EZH2: variants seen among roughly 807,000 people sequenced by gnomAD.
The protein encoded by EZH2 is enhancer of zeste 2 polycomb repressive complex 2 subunit.
In EZH2, 18 loss-of-function variants were observed where a neutral mutation model predicts 98.4. The ratio of observed to expected loss-of-function variants is 0.18; its 90% confidence interval spans 0.13 to 0.27. The LOEUF (loss-of-function observed/expected upper bound fraction) is 0.27. Ranked by LOEUF, EZH2 falls within the 10% of genes least tolerant of loss-of-function variation. The probability of loss-of-function intolerance (pLI) is 1.00; values close to 1 mark genes in which losing one functional copy is unlikely to be tolerated. For missense variants in EZH2, 470 were observed against 935.1 expected, an observed-to-expected ratio of 0.50 and a Z score of 6.49; for synonymous variants, 338 against 312.3, an observed-to-expected ratio of 1.08 and a Z score of -0.87.
intron 1 of EZH2, among the ~76,000 whole-genome samples, chr7:148,869,262 T>C (rs1266169269): frequency 6.6e-6 from 1 of 151,972 alleles, no homozygotes; most frequent in African/African-American, 2.4e-5. Context: ...AAGAAATAGT[T>C]TGACCTGGGT....
intron 1 of EZH2, among the ~76,000 whole-genome samples, chr7:148,851,969 T>C (rs376734949): frequency 2.3e-4 from 35 of 152,242 alleles, no homozygotes; most frequent in African/African-American, 8.0e-4. Context: ...TGTAAATACA[T>C]ATGGTTTTTA....
At chr7:148,808,040 G>A (rs1801976450) in intron 19 of EZH2, among the ~76,000 whole-genome samples, 1 of 152,212 alleles carries the variant, frequency 6.6e-6, no homozygotes, top group African/African-American at 2.4e-5. Context: ...AGGATGCTTA[G>A]GCCTGACGCT....
chr7:148,807,679 A>G lies in EZH2; in HGVS notation c.2223T>C (p.Tyr741=), dbSNP rs748102400. 3.4e-5 allele frequency: 54 copies of G among 1,597,956 alleles called. No homozygotes were observed. Among genetic ancestry groups the G allele is most frequent in the Middle Eastern group, 1.7e-4 (1 of 6,060 alleles). Residue 741 remains tyrosine (Y), a synonymous_variant, in exon 20 of 20, where the codon TAT becomes TAC. Coordinates refer to ENST00000320356, the MANE Select transcript of EZH2 (RefSeq NM_004456.5). ...YRYSQADALK[Y]VGIEREMEIP ...TTTCCATTTCTCTTTCGATGCCGACATACTTCAGGGCATCAGCCTGGCTGT... is the reference window on the plus strand; with the variant it reads ...TTTCCATTTCTCTTTCGATGCCGACGTACTTCAGGGCATCAGCCTGGCTGT...
intron 1 of EZH2, among the ~76,000 whole-genome samples, chr7:148,879,488 C>T (rs1198078400): frequency 2.6e-5 from 4 of 151,736 alleles, no homozygotes; most frequent in African/African-American, 9.7e-5. Context: ...GTCGGGAGTT[C>T]GAGACCAGCC....
chr7:148,832,345 C>CT (rs1277176571), intron 4 of EZH2, among the ~76,000 whole-genome samples: 1 of 152,176 alleles, frequency 6.6e-6, no homozygotes. Context: ...TCCCAAAGTG[C>CT]TGGGATTACA....
intron 4 of EZH2, among the ~76,000 whole-genome samples, chr7:148,830,420 C>T (rs1003577860): frequency 3.3e-5 from 5 of 152,064 alleles, no homozygotes; most frequent in African/African-American, 9.7e-5. Flanking sequence ...TACCAAAAAA[C>T]TACCCTAAGA....
rs142275291 is a variant in EZH2, at chr7:148,881,731, C to T, written c.-8+2433G>A. Among the ~76,000 whole-genome samples, 519 of 151,990 alleles carry T rather than the reference C, an allele frequency of 3.4e-3. 5 individuals carry two copies. The highest frequency in any genetic ancestry group is 0.019 in the South Asian group (92 of 4,814). ...GGTACATCACTTCAGGTCAGGAGTT[C>T]GAGACCAGCCTGGCCAACATGGTGA... is the stretch of plus-strand genomic sequence containing the variant. On this transcript the variant is annotated intron_variant, in intron 1 of 19. Transcript: ENST00000320356.
chr7:148,847,091 G>C, intron 2 of EZH2, 91 bp downstream of exon 2: 1 of 1,446,662 alleles, frequency 6.9e-7, no homozygotes, highest in South Asian at 1.4e-5. Flanking sequence ...AACTTGGCTA[G>C]AATTATTTTA....
intron 1 of EZH2, among the ~76,000 whole-genome samples, chr7:148,873,500 A>AAAAAAG (rs1819720746): frequency 1.3e-5 from 2 of 149,964 alleles, no homozygotes; most frequent in Non-Finnish European, 3.0e-5. Context: ...TCAAAAAAAA[A>AAAAAAG]AAAAAAAAAA....
At chr7:148,860,058 G>A (rs1054889926) in intron 1 of EZH2, among the ~76,000 whole-genome samples, 2 of 152,120 alleles carry the variant, frequency 1.3e-5, no homozygotes, top group African/African-American at 4.8e-5. Context: ...CATTCTATAA[G>A]CTCTAACATT....
intron 8 of EZH2, 79 bp downstream of exon 8, chr7:148,826,375 C>A (rs1807718018): frequency 1.9e-6 from 2 of 1,077,210 alleles, no homozygotes; most frequent in Non-Finnish European, 2.5e-6. Flanking sequence ...ATGATAAATT[C>A]TAGTTGTAAT....
At chr7:148,827,739 A>G (rs1454047649) in intron 6 of EZH2, among the ~76,000 whole-genome samples, 2 of 152,230 alleles carry the variant, frequency 1.3e-5, no homozygotes, top group Non-Finnish European at 2.9e-5. Context: ...CAAGTAGAGA[A>G]CACCAACTAT....
At chr7:148,866,643 C>CATATACGT (rs911028323) in intron 1 of EZH2, among the ~76,000 whole-genome samples, 1 of 144,362 alleles carries the variant, frequency 6.9e-6, no homozygotes, top group Non-Finnish European at 1.5e-5. Flanking sequence ...TATACATATA[C>CATATACGT]ATATACGTAT....
intron 1 of EZH2, chr7:148,883,162 TAAG>T (rs1821254318): frequency 6.6e-6 from 1 of 152,202 alleles, no homozygotes; most frequent in Admixed American, 6.5e-5. Context: ...TTGTAATGTT[TAAG>T]GATTACGATT....
chr7:148,869,539 T>TG (rs1407844982), intron 1 of EZH2, among the ~76,000 whole-genome samples: 1 of 151,992 alleles, frequency 6.6e-6, no homozygotes, highest in African/African-American at 2.4e-5. Flanking sequence ...GGCCTCACTT[T>TG]GTTGTCCAGG....
intron 16 of EZH2, 152 bp from the exon 17 acceptor site, chr7:148,810,566 G>C (rs546782218): frequency 7.6e-6 from 4 of 524,018 alleles, no homozygotes; most frequent in African/African-American, 7.5e-5. Context: ...CATTCGGTCT[G>C]CGCAGTAATA....
At chr7:148,856,292 T>C (rs1816822487) in intron 1 of EZH2, among the ~76,000 whole-genome samples, 2 of 152,178 alleles carry the variant, frequency 1.3e-5, no homozygotes, top group Non-Finnish European at 2.9e-5. Flanking sequence ...AAAATGTAGA[T>C]AATGTGTGCC....
chr7:148,822,114 A>C (rs1806286175), intron 8 of EZH2, among the ~76,000 whole-genome samples: 1 of 152,180 alleles, frequency 6.6e-6, no homozygotes, highest in Admixed American at 6.6e-5. Context: ...TCAAAGATTT[A>C]TGTTTTTAAA....
intron 1 of EZH2, among the ~76,000 whole-genome samples, chr7:148,851,695 T>A (rs79434525): frequency 7.6e-4 from 115 of 152,134 alleles, no homozygotes; most frequent in African/African-American, 2.7e-3. Flanking sequence ...GAGACTCCCA[T>A]CTCAAATCAA....
Sources: gnomAD v4.1 joint callset for allele counts (sites outside exome capture counted in the v4.1 genomes callset) on GRCh38, gnomAD v4.1.1 for gene constraint, MANE v1.5 for transcripts, NCBI Gene and HGNC (gene_info 2026-07-23, HGNC 2026-07-21) for gene names.